The following TBX5 variants were observed in gnomAD, a reference collection of about 807,000 sequenced individuals.
The protein encoded by TBX5 is T-box transcription factor TBX5.
In TBX5, 8 loss-of-function variants were observed where a neutral mutation model predicts 51.1. The observed-to-expected ratio is 0.16, with a 90% CI of 0.09 to 0.28. The LOEUF (loss-of-function observed/expected upper bound fraction) is 0.28, where lower values mean the gene tolerates loss of function less well. TBX5 is among the 10% of genes least tolerant of loss of function. TBX5 has a pLI of 1.00. For missense variants in TBX5, 589 were observed against 671.7 expected (o/e 0.88, Z 1.36); for synonymous variants, 302 against 266.4 (o/e 1.13, Z -1.30).
At chr12:114,378,941 G>C (rs947003038) in intron 7 of TBX5, among the ~76,000 whole-genome samples, 1 of 152,138 alleles carries the variant, frequency 6.6e-6, no homozygotes, top group Non-Finnish European at 1.5e-5. Context: ...GACATCCAAG[G>C]TGCAGTCAGC....
intron 6 of TBX5, among the ~76,000 whole-genome samples, chr12:114,394,345 G>C (rs1871306410): frequency 2.0e-5 from 3 of 152,110 alleles, no homozygotes; most frequent in African/African-American, 7.2e-5. Flanking sequence ...AAAAGGCAGA[G>C]AGGAGAAAAC....
chr12:114,403,120 C>T (rs969365051), intron 2 of TBX5, among the ~76,000 whole-genome samples: 1 of 152,260 alleles, frequency 6.6e-6, no homozygotes, highest in Non-Finnish European at 1.5e-5. Flanking sequence ...TCTGCCTGGG[C>T]CCAGGTTGTA....
At chr12:114,390,074 C>T (rs200922638) in intron 6 of TBX5, among the ~76,000 whole-genome samples, 1 of 152,278 alleles carries the variant, frequency 6.6e-6, no homozygotes, top group East Asian at 1.9e-4. Flanking sequence ...TTGCACTTAC[C>T]ATCATAGCTT....
At chr12:114,357,356 C>T (rs545150881) in intron 8 of TBX5, among the ~76,000 whole-genome samples, 38 of 152,298 alleles carry the variant, frequency 2.5e-4, no homozygotes, top group Non-Finnish European at 3.5e-4. Flanking sequence ...ACTGCATGTG[C>T]ATACAAGGCT....
intron 1 of TBX5, 87 bp from the exon 2 acceptor site, chr12:114,404,023 G>T (rs925388799): frequency 1.4e-6 from 2 of 1,448,766 alleles, no homozygotes; most frequent in Admixed American, 4.0e-5. Flanking sequence ...CTAGTGACAG[G>T]AGGGAGCAGT....
At position 114,401,920 on chromosome 12, in the gene TBX5, C is replaced by T; in HGVS notation, c.148G>A (p.Gly50Ser). Reference protein sequence around the residue: ...SSPQAAFTQQGMEGIKVFLHE... With the variant: ...SSPQAAFTQQSMEGIKVFLHE... ...AGAAACACTTTGATTCCCTCCATGC[C>T]CTGCAAGAAGGAGAAAAAAGTCACA... Residue 50 changes from glycine (G) to serine (S), a missense_variant and splice_region_variant, in exon 3 of 9, where the codon GGC (glycine) becomes AGC (serine). Physicochemically the swap from Gly to Ser is moderately conservative, Grantham distance 56. This residue lies in a region of TBX5 where 101 missense variants were observed against 83.3 expected (regional missense o/e 1.21). Coordinates refer to ENST00000405440, the MANE Select transcript of TBX5 (RefSeq NM_181486.4). 2.5e-6 allele frequency: 4 copies of T among 1,614,066 alleles called. No individual in the cohort carries two copies. Among genetic ancestry groups the T allele is most frequent in the Non-Finnish European group, 3.4e-6 (4 of 1,179,944 alleles).
rs1220707044 is a variant in TBX5, at chr12:114,366,304, G to C, written c.843C>G (p.Leu281=). ...HSPFSSESRA[L]STSSNLGSQY... is the part of the protein sequence containing the mutation. ...GGGACCCCAAATTGGATGAGGTGGA[G>C]AGAGCTCGAGACTCGCTGCTGAAAG... Residue 281 remains leucine, a synonymous_variant, in exon 8 of 9, where the codon CTC becomes CTG. Transcript: ENST00000405440. 2 of 1,614,130 alleles carry C rather than the reference G, an allele frequency of 1.2e-6. No homozygotes were observed. Among genetic ancestry groups the C allele is most frequent in the Non-Finnish European group, 1.7e-6 (2 of 1,180,028 alleles).
intron 6 of TBX5, among the ~76,000 whole-genome samples, chr12:114,385,869 T>C (rs1027604474): frequency 1.3e-5 from 2 of 152,080 alleles, no homozygotes; most frequent in African/African-American, 4.8e-5. Context: ...TCTTGCATTT[T>C]GTGTTTTAAA....
rs181132156 is a variant in TBX5, at chr12:114,375,804, G to A, written c.756-9413C>T. Among the ~76,000 whole-genome samples the A allele has an allele frequency of 2.6e-5, 4 of 152,284 alleles. No homozygotes were observed. The East Asian group carries it at 7.7e-4, about 29-fold the overall frequency. ...ACGTTCTGTCATCCCAGCACTTTGGGAGGCCAAGGCAGGAGGATCACTTGA... is the reference window on the plus strand; with the variant it reads ...ACGTTCTGTCATCCCAGCACTTTGGAAGGCCAAGGCAGGAGGATCACTTGA... On this transcript the variant is annotated intron_variant, in intron 7 of 8. Transcript: ENST00000405440.
chr12:114,360,265 C>T (rs1461434286), intron 8 of TBX5, among the ~76,000 whole-genome samples: 1 of 151,972 alleles, frequency 6.6e-6, no homozygotes, highest in Non-Finnish European at 1.5e-5. Context: ...TGGCCCCAGG[C>T]TTTCCATTTC....
chr12:114,355,824 G>A lies in TBX5; in HGVS notation c.1265C>T (p.Pro422Leu). The change falls in exon 9 of 9, where the codon CCC becomes CTC. Residue 422 changes from proline (P) to leucine (L), a missense_variant. Physicochemically the swap from Pro to Leu is moderately conservative, Grantham distance 98. This residue lies in a region of TBX5 where 348 missense variants were observed against 360.4 expected (regional missense o/e 0.97). Coordinates refer to ENST00000405440, the MANE Select transcript of TBX5 (RefSeq NM_181486.4). ...VTTVQPMDRLPYQHFSAHFTS... is the reference protein window; with the variant it reads ...VTTVQPMDRLLYQHFSAHFTS... ...GAAGTGAGCGGAGAAGTGCTGGTAG[G>A]GTAGCCTGTCCATGGGCTGCACGGT... 1.2e-6 allele frequency: 2 copies of A among 1,614,050 alleles called. No homozygotes were observed. Among genetic ancestry groups the A allele is most frequent in the South Asian group, 2.2e-5 (2 of 91,076 alleles).
At chr12:114,403,961 T>C in intron 1 of TBX5, 25 bp from the exon 2 acceptor site, 3 of 1,579,704 alleles carry the variant, frequency 1.9e-6, no homozygotes, top group Non-Finnish European at 2.6e-6. Context: ...CAGGGGGAGA[T>C]GGGGGTGGGG....
intron 2 of TBX5, among the ~76,000 whole-genome samples, chr12:114,402,802 G>T (rs1871910120): frequency 7.7e-6 from 1 of 130,094 alleles, no homozygotes; most frequent in African/African-American, 3.3e-5. Context: ...AAGTGGGTTT[G>T]CTTTTCCTTA....
chr12:114,399,073 C>T (rs1224483696), intron 4 of TBX5, among the ~76,000 whole-genome samples: 1 of 152,150 alleles, frequency 6.6e-6, no homozygotes, highest in African/African-American at 2.4e-5. Context: ...GCCATGGGAA[C>T]GATTCTACCC....
chr12:114,379,669 G>T (rs143027810), intron 7 of TBX5, among the ~76,000 whole-genome samples: 10 of 152,162 alleles, frequency 6.6e-5, no homozygotes, highest in African/African-American at 2.4e-4. Flanking sequence ...GACACTCCTC[G>T]GTCGAGTAGA....
chr12:114,394,510 A>G (rs1871317190), intron 6 of TBX5, among the ~76,000 whole-genome samples: 1 of 152,078 alleles, frequency 6.6e-6, no homozygotes, highest in African/African-American at 2.4e-5. Flanking sequence ...GTTTGTTTCT[A>G]ACTGGTGTGG....
Position 114,406,114 on chromosome 12 carries a change from C to T in TBX5, c.-525G>A. On this transcript the variant is annotated 5_prime_UTR_variant, in exon 1 of 9. Transcript: ENST00000405440. ...AAGCCAACTCAGCTGAGCACAGTGA[C>T]GTTGGGTTGCCTCGATGCTCACAAA... 2.4e-6 allele frequency: 2 copies of T among 845,230 alleles called. No individual in the cohort carries two copies. The highest frequency in any genetic ancestry group is 1.4e-6 in the Non-Finnish European group (1 of 702,338). The allele number at this position is 845,230 out of a possible 1,614,324, so 52.4% of individuals were successfully genotyped here.
At chr12:114,400,014 T>G (rs1871708332) in intron 3 of TBX5, among the ~76,000 whole-genome samples, 1 of 152,206 alleles carries the variant, frequency 6.6e-6, no homozygotes, top group South Asian at 2.1e-4. Context: ...GGTACAATGC[T>G]AGGCGCTGAT....
intron 4 of TBX5, 68 bp from the exon 5 acceptor site, chr12:114,398,788 T>G: frequency 6.5e-7 from 1 of 1,548,420 alleles, no homozygotes; most frequent in Admixed American, 1.9e-5. Context: ...CACCGAAGCG[T>G]GCTTCAGTTC....
Sources: gnomAD v4.1 joint callset for allele counts (sites outside exome capture counted in the v4.1 genomes callset) on GRCh38, gnomAD v4.1.1 for gene constraint, gnomAD v4.1.1 regional missense constraint, MANE v1.5 for transcripts, NCBI Gene and HGNC (gene_info 2026-07-23, HGNC 2026-07-21) for gene names.